MEGF10: variants seen among roughly 807,000 people sequenced by gnomAD.
MEGF10 encodes multiple EGF like domains 10.
MEGF10 carries 86 observed loss-of-function variants against 147.5 expected under a neutral mutation model. The observed-to-expected ratio is 0.58, with a 90% confidence interval of 0.49 to 0.70. The LOEUF (loss-of-function observed/expected upper bound fraction) is 0.70, where lower values mean the gene tolerates loss of function less well. MEGF10 is among the 30% of genes least tolerant of loss of function. The probability of loss-of-function intolerance (pLI) is 0.00; values close to 1 mark genes in which losing one functional copy is unlikely to be tolerated. For missense variants in MEGF10, 1,329 were observed against 1,487.3 expected (o/e 0.89, Z 1.75); for synonymous variants, 478 against 525.5 (o/e 0.91, Z 1.24).
intron 9 of MEGF10, among the ~76,000 whole-genome samples, chr5:127,415,145 A>G (rs1764710174): frequency 6.6e-6 from 1 of 152,278 alleles, no homozygotes; most frequent in Middle Eastern, 3.4e-3. Context: ...AGAGAGAATA[A>G]TGATGAAAGA....
the MEGF10 span, among the ~76,000 whole-genome samples, chr5:127,246,479 A>C: frequency 0.036 from 5,454 of 152,138 alleles, 271 homozygotes; most frequent in African/African-American, 0.12. Flanking sequence ...GGGGAGGGAT[A>C]GCATTAGGAG....
chr5:127,324,704 C>G (rs970827263), intron 1 of MEGF10, among the ~76,000 whole-genome samples: 6 of 152,164 alleles, frequency 3.9e-5, no homozygotes, highest in Non-Finnish European at 8.8e-5. Context: ...AAATAATGCC[C>G]TTGCTCAAAG....
chr5:127,384,992 G>A (rs377203725), intron 5 of MEGF10, among the ~76,000 whole-genome samples: 83 of 152,240 alleles, frequency 5.5e-4, no homozygotes, highest in South Asian at 5.0e-3. Context: ...AGGGAACTGA[G>A]GCTTAAGAAG....
At chr5:127,362,595 A>T (rs1015774034) in intron 4 of MEGF10, among the ~76,000 whole-genome samples, 1 of 151,892 alleles carries the variant, frequency 6.6e-6, no homozygotes, top group African/African-American at 2.4e-5. Context: ...CCATCTCCTG[A>T]CCTCGTGATC....
the MEGF10 span, among the ~76,000 whole-genome samples, chr5:127,274,390 GT>G: frequency 6.6e-6 from 1 of 152,132 alleles, no homozygotes; most frequent in African/African-American, 2.4e-5. Flanking sequence ...TTTGCTAGGT[GT>G]GATAAAGGTA....
intron 16 of MEGF10, 54 bp from the exon 17 acceptor site, chr5:127,438,385 T>C (rs1388369400): frequency 1.2e-5 from 19 of 1,594,036 alleles, no homozygotes; most frequent in Non-Finnish European, 1.5e-5. Flanking sequence ...GAATTCTCCC[T>C]ACTTAGTATT....
At chr5:127,370,646 C>T (rs557333870) in intron 5 of MEGF10, among the ~76,000 whole-genome samples, 4 of 152,104 alleles carry the variant, frequency 2.6e-5, no homozygotes, top group African/African-American at 9.7e-5. Flanking sequence ...GGACTAAAAG[C>T]AGTCTACACG....
chr5:127,379,064 C>CTTTTTTTTTT (rs35798578), intron 5 of MEGF10, among the ~76,000 whole-genome samples: 5 of 121,466 alleles, frequency 4.1e-5, no homozygotes, highest in East Asian at 2.3e-4. Flanking sequence ...ATTGATTTTT[C>CTTTTTTTTTT]TTTTTTTTTT....
intron 9 of MEGF10, among the ~76,000 whole-genome samples, chr5:127,415,044 G>T (rs993605505): frequency 6.6e-6 from 1 of 151,664 alleles, no homozygotes; most frequent in Non-Finnish European, 1.5e-5. Flanking sequence ...TAAGAACATG[G>T]AATAGCCCAT....
At chr5:127,311,697 G>T (rs1428641485) in intron 1 of MEGF10, among the ~76,000 whole-genome samples, 1 of 152,188 alleles carries the variant, frequency 6.6e-6, no homozygotes, top group African/African-American at 2.4e-5. Flanking sequence ...TTCATAAAGA[G>T]AACTCTTTTC....
the MEGF10 span, among the ~76,000 whole-genome samples, chr5:127,234,345 C>A: frequency 6.6e-6 from 1 of 152,204 alleles, no homozygotes; most frequent in African/African-American, 2.4e-5. Context: ...TTCATAGGTG[C>A]AGAGTGGGTG....
At position 127,422,737 on chromosome 5, in the gene MEGF10, C is replaced by A. The variant is rs753833305; in HGVS notation, c.1658C>A (p.Thr553Asn). ...AGCCACGCAGATGGCTGCCACCCTA[C>A]CACGGGCCATTGCCGCTGCCTCCCC... ...DCSHADGCHP[T>N]TGHCRCLPGW... is the part of the protein sequence containing the mutation. The change falls in exon 13 of 25, where the codon ACC becomes AAC. Residue 553 changes from threonine to asparagine, a missense_variant. Around this residue, in one of 3 missense-constraint regions of MEGF10, gnomAD observed 980 missense variants for 1,085.9 expected, o/e 0.90. Coordinates refer to ENST00000503335, the MANE Select transcript of MEGF10 (RefSeq NM_001256545.2). 2 of 1,614,044 alleles carry A rather than the reference C, an allele frequency of 1.2e-6. No homozygotes were observed. The highest frequency in any genetic ancestry group is 1.3e-5 in the African/African-American group (1 of 74,928).
At chr5:127,422,526 A>C in intron 12 of MEGF10, 144 bp from the exon 13 acceptor site, 1 of 622,756 alleles carries the variant, frequency 1.6e-6, no homozygotes, top group South Asian at 2.1e-5. Flanking sequence ...AAAAAAAGAA[A>C]AAAATAAATA....
At chr5:127,326,968 C>T (rs890625556) in intron 1 of MEGF10, among the ~76,000 whole-genome samples, 1 of 152,130 alleles carries the variant, frequency 6.6e-6, no homozygotes, top group Non-Finnish European at 1.5e-5. Flanking sequence ...GTCAACACCC[C>T]ATTATTTATT....
the MEGF10 span, among the ~76,000 whole-genome samples, chr5:127,231,728 G>A: frequency 6.6e-6 from 1 of 152,206 alleles, no homozygotes; most frequent in Non-Finnish European, 1.5e-5. Flanking sequence ...ATGAGCTTAG[G>A]CTTCTTGATT....
At chr5:127,434,933 G>T (rs1765506054) in intron 15 of MEGF10, 112 bp downstream of exon 15, 3 of 1,033,906 alleles carry the variant, frequency 2.9e-6, no homozygotes, top group Non-Finnish European at 2.6e-6. Context: ...CTGTCTGCTG[G>T]GAATGTCTTC....
chr5:127,331,471 C>G, intron 2 of MEGF10, 47 bp downstream of exon 2: 1 of 1,023,934 alleles, frequency 9.8e-7, no homozygotes, highest in Non-Finnish European at 1.5e-6. Context: ...GAGAAGTTCC[C>G]TTATATACTG....
intron 1 of MEGF10, among the ~76,000 whole-genome samples, chr5:127,301,960 A>G (rs548264493): frequency 6.6e-6 from 1 of 152,348 alleles, no homozygotes; most frequent in South Asian, 2.1e-4. Context: ...AACTATAAGG[A>G]ATTTACAATA....
At chr5:127,312,467 T>C (rs1312290301) in intron 1 of MEGF10, among the ~76,000 whole-genome samples, 1 of 152,218 alleles carries the variant, frequency 6.6e-6, no homozygotes, top group African/African-American at 2.4e-5. Context: ...TTTTTCATTT[T>C]TGTTTCAGAG....
Sources: allele counts gnomAD v4.1 joint callset (sites outside exome capture counted in the v4.1 genomes callset), GRCh38; gene constraint gnomAD v4.1.1; regional missense constraint gnomAD v4.1.1; transcripts MANE v1.5; gene names NCBI Gene and HGNC (gene_info 2026-07-23, HGNC 2026-07-21).